The following BDNF variants were observed in gnomAD, a reference collection of about 807,000 sequenced individuals.
The protein encoded by BDNF is neurotrophic factor BDNF precursor form.
A neutral mutation model predicts 19.5 loss-of-function variants in BDNF; 1 was observed. The ratio of observed to expected loss-of-function variants is 0.05; its 90% CI spans 0.02 to 0.24. BDNF has a LOEUF of 0.24. BDNF is among the 10% of genes least tolerant of loss of function. The probability of loss-of-function intolerance (pLI) is 1.00; values close to 1 mark genes in which losing one functional copy is unlikely to be tolerated. For missense variants in BDNF, 195 were observed against 317.6 expected (o/e 0.61, Z 2.93); for synonymous variants, 100 against 121.6 (o/e 0.82, Z 1.17).
intron 1 of BDNF, among the ~76,000 whole-genome samples, chr11:27,709,122 C>T (rs1036903256): frequency 6.6e-6 from 1 of 152,120 alleles, no homozygotes; most frequent in African/African-American, 2.4e-5. Flanking sequence ...AGCCACCGCG[C>T]CTGGCTAGAA....
At chr11:27,659,827 C>T (rs568989019) in intron 1 of BDNF, among the ~76,000 whole-genome samples, 1 of 152,206 alleles carries the variant, frequency 6.6e-6, no homozygotes, top group African/African-American at 2.4e-5. Context: ...GGTTGCTCTA[C>T]TCTAAATTTG....
chr11:27,692,487 G>A (rs1482822956), intron 1 of BDNF, among the ~76,000 whole-genome samples: 1 of 151,992 alleles, frequency 6.6e-6, no homozygotes, highest in Admixed American at 6.6e-5. Flanking sequence ...GACTACAAGT[G>A]CCTGTCACCA....
intron 1 of BDNF, among the ~76,000 whole-genome samples, chr11:27,683,156 C>T (rs1857054338): frequency 6.6e-6 from 1 of 152,196 alleles, no homozygotes; most frequent in African/African-American, 2.4e-5. Context: ...TCTCTAATGA[C>T]CAGTGATGAT....
At chr11:27,679,360 G>A (rs1031232798) in intron 1 of BDNF, among the ~76,000 whole-genome samples, 5 of 152,136 alleles carry the variant, frequency 3.3e-5, no homozygotes, top group African/African-American at 7.2e-5. Flanking sequence ...TAAACTGCCC[G>A]TAAGTAAGAA....
At chr11:27,673,158 C>G (rs1041507382) in intron 1 of BDNF, among the ~76,000 whole-genome samples, 2 of 150,708 alleles carry the variant, frequency 1.3e-5, no homozygotes, top group Non-Finnish European at 2.9e-5. Context: ...AAATTACACA[C>G]AAGGCACACC....
Position 27,699,638 on chromosome 11 carries a change from T to A in BDNF, c.-22+526A>T. On this transcript the variant is annotated intron_variant, in intron 1 of 1. Transcript: ENST00000356660. ...CTTCGGACTTGTAAGTCCACTTCAG[T>A]CTCAATTCCTGGGGAGCAGGTAGCC... 2.8e-6 allele frequency: 4 copies of A among 1,437,038 alleles called. No individual in the cohort carries two copies. The South Asian group carries it at 5.9e-5, about 21-fold the overall frequency. 89.0% of individuals were successfully genotyped at this position (1,437,038 alleles called of 1,614,324 possible).
Position 27,656,978 on chromosome 11 carries a change from T to C in BDNF, c.*843A>G. 1 of 985,410 alleles carries C rather than the reference T, an allele frequency of 1.0e-6. No individual in the cohort carries two copies. The highest frequency in any genetic ancestry group is 1.2e-6 in the Non-Finnish European group (1 of 829,964). The allele number at this position is 985,410 out of a possible 1,614,324, so 61.0% of individuals were successfully genotyped here. A position where few individuals can be genotyped will look rare whatever the true frequency, so the allele number is the denominator to read the frequency against. ...GGGGAGGGGGGGAAAGAATGTGTTC[T>C]GAGCAAACATAGGTCCTTCCGTCAA... is the stretch of plus-strand genomic sequence containing the variant. On this transcript the variant is annotated 3_prime_UTR_variant, in exon 2 of 2. Coordinates refer to ENST00000356660, the MANE Select transcript of BDNF (RefSeq NM_001709.5).
chr11:27,707,929 C>A (rs1860175347), intron 1 of BDNF, among the ~76,000 whole-genome samples: 1 of 152,138 alleles, frequency 6.6e-6, no homozygotes, highest in Non-Finnish European at 1.5e-5. Context: ...ATGATTCAGA[C>A]TAAATATATT....
At chr11:27,662,564 G>A (rs1436155654) in intron 1 of BDNF, among the ~76,000 whole-genome samples, 4 of 152,162 alleles carry the variant, frequency 2.6e-5, no homozygotes, top group African/African-American at 7.2e-5. Flanking sequence ...ATTTTTCCAC[G>A]GTCTGGGAGT....
intron 1 of BDNF, among the ~76,000 whole-genome samples, chr11:27,688,410 G>A (rs1401172444): frequency 6.6e-6 from 1 of 152,200 alleles, no homozygotes; most frequent in Non-Finnish European, 1.5e-5. Context: ...CTTTCCGGGG[G>A]AGTGAATGGT....
At chr11:27,714,658 T>C (rs908789249) in intron 1 of BDNF, among the ~76,000 whole-genome samples, 2 of 152,182 alleles carry the variant, frequency 1.3e-5, no homozygotes, top group African/African-American at 4.8e-5. Flanking sequence ...GTTAAAAATT[T>C]GCGGTACCCA....
chr11:27,697,163 ACAGAGAG>A (rs1199257077), intron 1 of BDNF, among the ~76,000 whole-genome samples: 1 of 82,238 alleles, frequency 1.2e-5, no homozygotes, highest in African/African-American at 3.6e-5. Context: ...ACACACACAC[ACAGAGAG>A]AGAGAGAGAG....
Position 27,658,609 on chromosome 11 carries a change from G to C in BDNF, c.-21-24C>G, listed in dbSNP as rs1271593477. 2 of 1,614,042 alleles carry C rather than the reference G, an allele frequency of 1.2e-6. No individual in the cohort carries two copies. Among genetic ancestry groups the C allele is most frequent in the African/African-American group, 2.7e-5 (2 of 74,930 alleles). ...AACTGTAGGGAGAAAGCAGAAACAA[G>C]ACAGAAAACTGGTTAGGGCTTTCTT... On this transcript the variant is annotated intron_variant, in intron 1 of 1. Coordinates refer to ENST00000356660, the MANE Select transcript of BDNF (RefSeq NM_001709.5). This position sits in a 1 kb window ranked among gnomAD's most constrained non-coding sequence, Gnocchi z 5.7.
At chr11:27,695,320 G>T (rs1018817835) in intron 1 of BDNF, among the ~76,000 whole-genome samples, 7 of 152,138 alleles carry the variant, frequency 4.6e-5, no homozygotes, top group Non-Finnish European at 8.8e-5. Flanking sequence ...TTAAACGACA[G>T]GTTGCCTTCT....
At chr11:27,671,121 C>T (rs546447834) in intron 1 of BDNF, among the ~76,000 whole-genome samples, 3 of 152,020 alleles carry the variant, frequency 2.0e-5, no homozygotes, top group Admixed American at 6.6e-5. Flanking sequence ...AACACTTGGA[C>T]ACAGGGTGGG....
intron 1 of BDNF, chr11:27,674,227 G>C: frequency 6.3e-7 from 1 of 1,596,480 alleles, no homozygotes; most frequent in East Asian, 2.3e-5. Flanking sequence ...TCAGCATTCT[G>C]AGTAGTAACA....
intron 1 of BDNF, among the ~76,000 whole-genome samples, chr11:27,710,752 G>T (rs982862895): frequency 2.6e-5 from 4 of 152,180 alleles, no homozygotes; most frequent in East Asian, 1.9e-4. Context: ...GCCAGTAACA[G>T]TTCGCAAAGG....
Position 27,657,911 on chromosome 11 carries a change from A to G in BDNF, c.654T>C (p.Leu218=). The G allele has an allele frequency of 6.2e-7, 1 of 1,614,126 alleles. No homozygotes were observed. Among genetic ancestry groups the G allele is most frequent in the Non-Finnish European group, 8.5e-7 (1 of 1,180,018 alleles). ...CAATTCTCTTTTTGCTATCCATGGT[A>G]AGGGCCCGCACGTACGACTGGGTAG... The part of the protein sequence containing the change: ...CRTTQSYVRA[L]TMDSKKRIGW... The change falls in exon 2 of 2, where the codon CTT becomes CTC. Residue 218 remains leucine, a synonymous_variant. Transcript: ENST00000356660. This position sits in a 1 kb window ranked among gnomAD's most constrained non-coding sequence, Gnocchi z 5.0.
At position 27,656,953 on chromosome 11, in the gene BDNF, G is replaced by T. The variant is rs77500722; in HGVS notation, c.*868C>A. The T allele has an allele frequency of 4.0e-4, 393 of 985,378 alleles. 2 individuals are homozygous for T. The Middle Eastern group carries it at 8.9e-3, about 22-fold the overall frequency. The allele number at this position is 985,378 out of a possible 1,614,324, so 61.0% of individuals were successfully genotyped here. A position where few individuals can be genotyped will look rare whatever the true frequency, so the allele number is the denominator to read the frequency against. On this transcript the variant is annotated 3_prime_UTR_variant, in exon 2 of 2. Transcript: ENST00000356660. Reference sequence around the variant, plus strand: ...AAACAAAACAAAGAGGAGACCAGAGGGGGAGGGGGGGAAAGAATGTGTTCT... The same window carrying T: ...AAACAAAACAAAGAGGAGACCAGAGTGGGAGGGGGGGAAAGAATGTGTTCT...
Sources: allele counts gnomAD v4.1 joint callset (sites outside exome capture counted in the v4.1 genomes callset), GRCh38; gene constraint gnomAD v4.1.1; non-coding constraint Gnocchi (gnomAD v3.1); transcripts MANE v1.5; gene names NCBI Gene and HGNC (gene_info 2026-07-23, HGNC 2026-07-21).